The following FCF1 variants were observed in gnomAD, a reference collection of about 807,000 sequenced individuals.
The protein encoded by FCF1 is rRNA-processing protein FCF1 homolog.
Under a neutral mutation model 32.5 loss-of-function variants are expected in FCF1, and 17 were observed. The ratio of observed to expected loss-of-function variants is 0.52; its 90% CI spans 0.36 to 0.78. FCF1 has a LOEUF of 0.78. Among genes scored for constraint, FCF1 ranks in the 30% least tolerant of loss-of-function variants. The probability of loss-of-function intolerance (pLI) is 0.00; values close to 1 mark genes in which losing one functional copy is unlikely to be tolerated. For missense variants in FCF1, 201 were observed against 241.1 expected, an observed-to-expected ratio of 0.83 and a Z score of 1.10; for synonymous variants, 84 against 78.4, an observed-to-expected ratio of 1.07 and a Z score of -0.38.
intron 4 of FCF1, among the ~76,000 whole-genome samples, chr14:74,718,322 A>G (rs993302111): frequency 5.3e-5 from 8 of 152,100 alleles, no homozygotes; most frequent in African/African-American, 1.9e-4. Flanking sequence ...CTGCCTATGA[A>G]TCCTGAGGCT....
intron 5 of FCF1, 71 bp from the exon 6 acceptor site, chr14:74,732,660 A>T: frequency 1.0e-6 from 1 of 993,798 alleles, no homozygotes; most frequent in Non-Finnish European, 1.6e-6. Flanking sequence ...AGATCATGTT[A>T]CTTTTATTGC....
intron 3 of FCF1, 68 bp downstream of exon 3, chr14:74,715,011 G>A (rs548157503): frequency 6.7e-7 from 1 of 1,487,646 alleles, no homozygotes; most frequent in Non-Finnish European, 9.0e-7. Flanking sequence ...GGCTTTCCCT[G>A]AGCTGGTTTG....
At chr14:74,719,071 A>C (rs1358321734) in intron 4 of FCF1, among the ~76,000 whole-genome samples, 1 of 146,028 alleles carries the variant, frequency 6.8e-6, no homozygotes, top group African/African-American at 2.6e-5. Flanking sequence ...CAGAGGCTAC[A>C]GTGAGCCGAG....
At chr14:74,727,296 A>C (rs1016276637) in intron 5 of FCF1, among the ~76,000 whole-genome samples, 1 of 151,452 alleles carries the variant, frequency 6.6e-6, no homozygotes, top group Non-Finnish European at 1.5e-5. Context: ...AATGATTGCC[A>C]TTCTAACTGG....
intron 5 of FCF1, among the ~76,000 whole-genome samples, chr14:74,732,204 T>C (rs975960036): frequency 9.9e-5 from 15 of 152,212 alleles, no homozygotes; most frequent in East Asian, 1.9e-4. Flanking sequence ...AACAGTTTAG[T>C]GTAGGTCCTT....
At chr14:74,729,189 C>T (rs1313878945) in intron 5 of FCF1, among the ~76,000 whole-genome samples, 5 of 152,132 alleles carry the variant, frequency 3.3e-5, no homozygotes, top group African/African-American at 1.2e-4. Flanking sequence ...ACCAGTTCCT[C>T]CTTGTACCTG....
Position 74,734,971 on chromosome 14 carries a change from T to C in FCF1, c.*41T>C, listed in dbSNP as rs1203378772. The C allele has an allele frequency of 6.5e-7, 1 of 1,535,856 alleles. No homozygotes were observed. The highest frequency in any genetic ancestry group is 1.4e-5 in the African/African-American group (1 of 73,328). On this transcript the variant is annotated 3_prime_UTR_variant, in exon 8 of 8. Transcript: ENST00000341162. ...GTTCCTCTGCCTTTCTTCGACCAAC[T>C]TTCTCTTGTTGCCAGTTCATTACAC...
chr14:74,725,186 G>C (rs1214594853), intron 5 of FCF1, among the ~76,000 whole-genome samples: 1 of 151,924 alleles, frequency 6.6e-6, no homozygotes, highest in Non-Finnish European at 1.5e-5. Context: ...AGAAGAAATG[G>C]CTTTTCTTAA....
chr14:74,729,017 A>G (rs2090603414), intron 5 of FCF1, among the ~76,000 whole-genome samples: 1 of 152,204 alleles, frequency 6.6e-6, no homozygotes, highest in Non-Finnish European at 1.5e-5. Context: ...TATTTTATTG[A>G]GGATTTTTGC....
chr14:74,733,176 T>C (rs2090660059), intron 6 of FCF1, among the ~76,000 whole-genome samples: 1 of 152,204 alleles, frequency 6.6e-6, no homozygotes, highest in African/African-American at 2.4e-5. Context: ...CCATTTATTT[T>C]TGATGTAGGA....
intron 7 of FCF1, 24 bp from the exon 8 acceptor site, chr14:74,734,858 G>C (rs749189596): frequency 6.2e-7 from 1 of 1,606,740 alleles, no homozygotes; most frequent in Non-Finnish European, 8.5e-7. Context: ...TTTCTTACCG[G>C]TGTTGATTTT....
In FCF1 at chr14:74,714,941, A is replaced by C; in HGVS notation, c.141A>C (p.Glu47Asp). ...KKDPSALKER[E>D]VPQHPSCLFF... ...ATCCCAGCGCATTAAAGGAAAGAGAAGTGTGAGTAATCAAACGTTTGAAGT... is the reference window on the plus strand; with the variant it reads ...ATCCCAGCGCATTAAAGGAAAGAGACGTGTGAGTAATCAAACGTTTGAAGT... The change falls in exon 3 of 8, where the codon GAA (glutamate) becomes GAC (aspartate). Residue 47 changes from glutamate (E) to aspartate (D), a missense_variant and splice_region_variant. Physicochemically the swap from Glu to Asp is conservative, Grantham distance 45. Transcript: ENST00000341162. The C allele has an allele frequency of 6.3e-7, 1 of 1,592,582 alleles. No homozygotes were observed. Among genetic ancestry groups the C allele is most frequent in the East Asian group, 2.2e-5 (1 of 44,598 alleles).
chr14:74,737,705 G>T lies in FCF1; in HGVS notation c.*2775G>T, dbSNP rs920691929. On this transcript the variant is annotated 3_prime_UTR_variant, in exon 8 of 8. Transcript: ENST00000341162. ...TATCCATTTGAAAAAAAATTAGGCC[G>T]GGCGTGGTGGCTCACACCTGTAATC... is the stretch of plus-strand genomic sequence containing the variant. 9.2e-5 allele frequency: 14 copies of T among 152,188 alleles called. No individual in the cohort carries two copies. Among genetic ancestry groups the T allele is most frequent in the Admixed American group, 9.2e-4 (14 of 15,274 alleles). 9.4% of individuals were successfully genotyped at this position (152,188 alleles called of 1,614,324 possible).
chr14:74,734,007 G>C, intron 6 of FCF1, 69 bp from the exon 7 acceptor site: 3 of 1,007,812 alleles, frequency 3.0e-6, no homozygotes, highest in Non-Finnish European at 4.7e-6. Context: ...CAGTCGTTGT[G>C]CCATTATCCA....
intron 4 of FCF1, among the ~76,000 whole-genome samples, chr14:74,719,129 CAAA>C (rs1167421434): frequency 1.2e-4 from 4 of 34,302 alleles, no homozygotes; most frequent in African/African-American, 3.8e-4. Context: ...GACTCTGTCT[CAAA>C]AAAAAAAAAA....
In FCF1 at chr14:74,714,952, TCAAA is replaced by T; in HGVS notation, c.143+11_143+14del. 2 of 1,576,438 alleles carry T rather than the reference TCAAA, an allele frequency of 1.3e-6. No individual in the cohort carries two copies. Among genetic ancestry groups the T allele is most frequent in the Non-Finnish European group, 1.7e-6 (2 of 1,164,758 alleles). Reference sequence around the variant, plus strand: ...TTAAAGGAAAGAGAAGTGTGAGTAATCAAACGTTTGAAGTTTTCCTTTAAAACCA... The same window carrying T: ...TTAAAGGAAAGAGAAGTGTGAGTAATCGTTTGAAGTTTTCCTTTAAAACCA... On this transcript the variant is annotated intron_variant, in intron 3 of 7. Coordinates refer to ENST00000341162, the MANE Select transcript of FCF1 (RefSeq NM_015962.5).
chr14:74,723,154 T>G, intron 4 of FCF1, 118 bp from the exon 5 acceptor site: 1 of 709,286 alleles, frequency 1.4e-6, no homozygotes, highest in Non-Finnish European at 2.6e-6. Flanking sequence ...TTCAGTGTGC[T>G]AATTCTGCTG....
At chr14:74,731,119 T>A (rs1484469839) in intron 5 of FCF1, among the ~76,000 whole-genome samples, 1 of 151,896 alleles carries the variant, frequency 6.6e-6, no homozygotes, top group African/African-American at 2.4e-5. Flanking sequence ...GTAGTCATGA[T>A]CCTCCACACC....
At chr14:74,726,443 G>A (rs1291291754) in intron 5 of FCF1, among the ~76,000 whole-genome samples, 2 of 151,890 alleles carry the variant, frequency 1.3e-5, no homozygotes, top group Non-Finnish European at 2.9e-5. Flanking sequence ...CTGCATTCTA[G>A]CCTGGGAGAC....
Sources: allele counts gnomAD v4.1 joint callset (sites outside exome capture counted in the v4.1 genomes callset), GRCh38; gene constraint gnomAD v4.1.1; transcripts MANE v1.5; gene names NCBI Gene and HGNC (gene_info 2026-07-23, HGNC 2026-07-21).